Variants in FAT1 observed in about 807,000 individuals in gnomAD.
The protein encoded by FAT1 is FAT atypical cadherin 1.
In FAT1, 171 loss-of-function variants were observed where a neutral mutation model predicts 329.8. That is an observed-to-expected ratio of 0.52 (90% CI 0.46 to 0.59). The LOEUF is 0.59. Among genes scored for constraint, FAT1 ranks in the 20% least tolerant of loss-of-function variants. The pLI, the probability that FAT1 is intolerant of heterozygous loss-of-function variation, is 0.00. For missense variants in FAT1, 5,672 were observed against 5,774.4 expected (o/e 0.98, Z 0.57); for synonymous variants, 2,233 against 2,228.6 (o/e 1.00, Z -0.06).
chr4:186,715,325 C>T (rs1240549468), intron 1 of FAT1, among the ~76,000 whole-genome samples: 5 of 151,294 alleles, frequency 3.3e-5, no homozygotes, highest in African/African-American at 1.2e-4. Flanking sequence ...CTCAGCAGTT[C>T]TCACGGGACA....
intron 2 of FAT1, among the ~76,000 whole-genome samples, chr4:186,684,518 G>T (rs1301501533): frequency 6.6e-6 from 1 of 152,154 alleles, no homozygotes; most frequent in Non-Finnish European, 1.5e-5. Flanking sequence ...ACAGAAAATG[G>T]AACTGACGCT....
chr4:186,589,186 G>T lies in FAT1; in HGVS notation c.13173C>A (p.Ser4391Arg). 1 of 1,613,344 alleles carries T rather than the reference G, an allele frequency of 6.2e-7. No homozygotes were observed. The change falls in exon 27 of 27, where the codon AGC (serine) becomes AGA (arginine). Residue 4391 changes from serine (S) to arginine (R), a missense_variant. Physicochemically the swap from Ser to Arg is moderately radical, Grantham distance 110 (BLOSUM62 -1). Transcript: ENST00000441802. ...ACTCTTGTATGTCCGGCAGAGGAAC[G>T]CTTGGCATCCAATCTGATGTATCCC... is the stretch of plus-strand genomic sequence containing the variant. ...YHWDTSDWMP[S>R]VPLPDIQEFP...
chr4:186,618,656 C>T lies in FAT1; in HGVS notation c.7930G>A (p.Glu2644Lys), dbSNP rs1453735695. The change falls in exon 10 of 27, where the codon GAG becomes AAG. Residue 2644 changes from glutamate to lysine, a missense_variant. Glu to Lys is a moderately conservative substitution (Grantham distance 56). This residue lies in a region of FAT1 where 3,966 missense variants were observed against 3,915.2 expected (regional missense o/e 1.01). Transcript: ENST00000441802. ...GACAGTTTGTTAATTTCCAAATTCT[C>T]TTTTACACTTTCAGAGTCTGCTTCA... is the stretch of plus-strand genomic sequence containing the variant. ...AIEADSESVKENLEINKLSGV... is the reference protein window; with the variant it reads ...AIEADSESVKKNLEINKLSGV... 6.2e-7 allele frequency: 1 copy of T among 1,614,028 alleles called. No homozygotes were observed.
chr4:186,595,906 A>T, intron 25 of FAT1, 80 bp from the exon 26 acceptor site: 1 of 1,444,254 alleles, frequency 6.9e-7, no homozygotes, highest in Non-Finnish European at 9.6e-7. Flanking sequence ...CACACCATGC[A>T]TTACCCAACG....
In FAT1 at chr4:186,596,416, T is replaced by C. The variant is rs1386514490; in HGVS notation, c.13000+124A>G. ...CATCCAAAAAAGTTTCAAATCATCA[T>C]ACGGATTTCAGTCTGAGCATACTTG... On this transcript the variant is annotated intron_variant, in intron 25 of 26. Transcript: ENST00000441802. This position sits in a 1 kb window ranked among gnomAD's most constrained non-coding sequence, Gnocchi z 4.7. The C allele has an allele frequency of 9.9e-6, 11 of 1,107,208 alleles. No individual in the cohort carries two copies. The highest frequency in any genetic ancestry group is 1.4e-5 in the Non-Finnish European group (11 of 786,760). 68.6% of individuals were successfully genotyped at this position (1,107,208 alleles called of 1,614,324 possible).
intron 7 of FAT1, among the ~76,000 whole-genome samples, chr4:186,630,964 C>T (rs989699058): frequency 6.6e-6 from 1 of 152,156 alleles, no homozygotes. Flanking sequence ...GAATCAATGG[C>T]GGTCAGCATC....
chr4:186,597,408 C>G, intron 24 of FAT1: 1 of 586,890 alleles, frequency 1.7e-6, no homozygotes, highest in Non-Finnish European at 2.9e-6. Flanking sequence ...ACATATCAAG[C>G]CAATATTAAT....
intron 7 of FAT1, among the ~76,000 whole-genome samples, chr4:186,631,203 T>C (rs1205035941): frequency 6.6e-6 from 1 of 152,144 alleles, no homozygotes; most frequent in Non-Finnish European, 1.5e-5. Flanking sequence ...ATCCCCGAGG[T>C]ATCCTAGTGT....
At chr4:186,681,916 T>C (rs1280792375) in intron 2 of FAT1, among the ~76,000 whole-genome samples, 1 of 152,208 alleles carries the variant, frequency 6.6e-6, no homozygotes, top group Admixed American at 6.5e-5. Flanking sequence ...CCCACTTATT[T>C]TCGTTACATT....
rs2126352243 is a variant in FAT1, at chr4:186,588,904, G to A, written c.13455C>T (p.Asn4485=). 1.2e-6 allele frequency: 2 copies of A among 1,613,998 alleles called. No individual in the cohort carries two copies. Among genetic ancestry groups the A allele is most frequent in the South Asian group, 2.2e-5 (2 of 91,078 alleles). ...AAAAATTGGGCAAATACTGATTCAA[G>A]TTGAACCTCTGCCGGTTTCTTGATG... ...GSSSRNRQRF[N]LNQYLPNFYP... is the part of the protein sequence containing the mutation. Residue 4485 remains asparagine (N), a synonymous_variant, in exon 27 of 27, where the codon AAC becomes AAT. Transcript: ENST00000441802.
chr4:186,610,539 A>G (rs1397337415), intron 14 of FAT1, among the ~76,000 whole-genome samples: 1 of 147,832 alleles, frequency 6.8e-6, no homozygotes, highest in African/African-American at 2.5e-5. Context: ...CATCTTTCAC[A>G]TCATTCTAGT....
intron 7 of FAT1, among the ~76,000 whole-genome samples, chr4:186,633,282 C>G (rs766588304): frequency 5.9e-5 from 9 of 151,948 alleles, no homozygotes; most frequent in African/African-American, 9.7e-5. Flanking sequence ...TTTATATAGC[C>G]AGGAGGAATC....
At chr4:186,678,441 A>C (rs1743048457) in intron 2 of FAT1, among the ~76,000 whole-genome samples, 1 of 149,602 alleles carries the variant, frequency 6.7e-6, no homozygotes, top group African/African-American at 2.4e-5. Context: ...TTATAATATA[A>C]TAATAAATAA....
intron 1 of FAT1, among the ~76,000 whole-genome samples, chr4:186,716,778 GTTTT>G (rs1313951525): frequency 6.6e-6 from 1 of 152,064 alleles, no homozygotes; most frequent in Non-Finnish European, 1.5e-5. Flanking sequence ...TTGTAAACGA[GTTTT>G]TTTGTTTGTT....
rs368422863 is a variant in FAT1, at chr4:186,603,383, T to A, written c.11143A>T (p.Ile3715Phe). ...QISTKQLLHK[I>F]NSSVTDIEEI... ...TCAATGTCAGTCACGGAAGAGTTAATCTTGTGCAGAAGTTGTTTTGTTGAG... is the reference window on the plus strand; with the variant it reads ...TCAATGTCAGTCACGGAAGAGTTAAACTTGTGCAGAAGTTGTTTTGTTGAG... The change falls in exon 19 of 27, where the codon ATT becomes TTT. Residue 3715 changes from isoleucine (I) to phenylalanine (F), a missense_variant. Physicochemically the swap from Ile to Phe is conservative, Grantham distance 21 (BLOSUM62 0). Around this residue, in one of 2 missense-constraint regions of FAT1, gnomAD observed 1,706 missense variants for 1,859.1 expected, o/e 0.92. Coordinates refer to ENST00000441802, the MANE Select transcript of FAT1 (RefSeq NM_005245.4). 3.7e-5 allele frequency: 60 copies of A among 1,614,016 alleles called. No individual in the cohort carries two copies. Among genetic ancestry groups the A allele is most frequent in the Non-Finnish European group, 4.9e-5 (58 of 1,179,896 alleles).
rs774005063 is a variant in FAT1, at chr4:186,614,314, C to T, written c.9106G>A (p.Val3036Ile). 1.0e-5 allele frequency: 16 copies of T among 1,577,874 alleles called. No homozygotes were observed. The highest frequency in any genetic ancestry group is 1.7e-4 in the Middle Eastern group (1 of 6,010). The change falls in exon 12 of 27, where the codon GTC becomes ATC. Residue 3036 changes from valine to isoleucine, a missense_variant. Physicochemically the swap from Val to Ile is conservative, Grantham distance 29. Around this residue, in one of 2 missense-constraint regions of FAT1, gnomAD observed 3,966 missense variants for 3,915.2 expected, o/e 1.01. Transcript: ENST00000441802. ...TGCATGATCAATTTTCCAGGAAGGA[C>T]GTCTTCAGGAATAGTGTCTGAATAT... ...TLYSDTIPED[V>I]LPGKLIMQIS...
At chr4:186,648,343 C>T (rs1425525694) in intron 3 of FAT1, among the ~76,000 whole-genome samples, 2 of 152,036 alleles carry the variant, frequency 1.3e-5, no homozygotes, top group Admixed American at 1.3e-4. Flanking sequence ...TGGCTGAAAA[C>T]TAAACTTAGG....
At chr4:186,648,113 A>C (rs1741464479) in intron 3 of FAT1, among the ~76,000 whole-genome samples, 1 of 152,170 alleles carries the variant, frequency 6.6e-6, no homozygotes, top group African/African-American at 2.4e-5. Context: ...AGAAGCTGTG[A>C]CACGTTCAAC....
chr4:186,651,147 TA>T, intron 3 of FAT1, among the ~76,000 whole-genome samples: 1 of 55,052 alleles, frequency 1.8e-5, no homozygotes, highest in Non-Finnish European at 4.8e-5. Context: ...ATTTATTTAT[TA>T]ATAATAAATT....
Sources: allele counts gnomAD v4.1 joint callset (sites outside exome capture counted in the v4.1 genomes callset), GRCh38; gene constraint gnomAD v4.1.1; regional missense constraint gnomAD v4.1.1; non-coding constraint Gnocchi (gnomAD v3.1); transcripts MANE v1.5; gene names NCBI Gene and HGNC (gene_info 2026-07-23, HGNC 2026-07-21).